MCTP2: variants seen among roughly 807,000 people sequenced by gnomAD.
MCTP2 encodes the protein multiple C2 and transmembrane domain containing 2, also known as multiple C2 and transmembrane domain-containing protein 2.
MCTP2 carries 132 observed loss-of-function variants against 111.6 expected under a neutral mutation model. The ratio of observed to expected loss-of-function variants is 1.18; its 90% CI spans 1.03 to 1.37. The LOEUF (loss-of-function observed/expected upper bound fraction) is 1.37. MCTP2 is among the 40% of genes most tolerant of loss of function. The pLI is 0.00. For missense variants in MCTP2, 1,183 were observed against 1,067.9 expected, an observed-to-expected ratio of 1.11 and a Z score of -1.50; for synonymous variants, 395 against 387.7, an observed-to-expected ratio of 1.02 and a Z score of -0.22.
intron 17 of MCTP2, among the ~76,000 whole-genome samples, chr15:94,428,628 C>A (rs774773241): frequency 6.6e-6 from 1 of 152,090 alleles, no homozygotes; most frequent in Non-Finnish European, 1.5e-5. Flanking sequence ...CCCCAGACAC[C>A]TATCAGACCT....
At chr15:94,471,761 A>AG (rs1316695555) in intron 21 of MCTP2, among the ~76,000 whole-genome samples, 61 of 149,554 alleles carry the variant, frequency 4.1e-4, no homozygotes, top group African/African-American at 1.5e-3. Context: ...CATATTTTGA[A>AG]AAAAAAAAAA....
At chr15:94,387,289 C>T (rs184989877) in intron 14 of MCTP2, among the ~76,000 whole-genome samples, 2 of 151,614 alleles carry the variant, frequency 1.3e-5, no homozygotes, top group Admixed American at 6.6e-5. Context: ...CCCTGTGCAT[C>T]GTAGCATGTC....
chr15:94,244,432 A>G (rs2071559094), intron 1 of MCTP2, among the ~76,000 whole-genome samples: 1 of 149,550 alleles, frequency 6.7e-6, no homozygotes, highest in Admixed American at 6.7e-5. Flanking sequence ...ATACATATGC[A>G]CCTATGTTTA....
chr15:94,253,461 C>T (rs1167493039), intron 1 of MCTP2, among the ~76,000 whole-genome samples: 1 of 152,174 alleles, frequency 6.6e-6, no homozygotes, highest in Admixed American at 6.5e-5. Context: ...TTACAAAATT[C>T]AGCTTCTCAG....
intron 17 of MCTP2, among the ~76,000 whole-genome samples, chr15:94,433,324 A>G (rs1024709945): frequency 2.6e-5 from 4 of 152,220 alleles, no homozygotes; most frequent in African/African-American, 7.2e-5. Context: ...TGAAAATTTA[A>G]GGCGATTTTT....
intron 1 of MCTP2, among the ~76,000 whole-genome samples, chr15:94,286,646 C>G (rs1476450443): frequency 1.3e-5 from 2 of 152,176 alleles, no homozygotes; most frequent in East Asian, 3.8e-4. Flanking sequence ...CCTTGCGGTT[C>G]TTATTCAGGT....
chr15:94,314,468 A>G, intron 3 of MCTP2, 124 bp downstream of exon 3: 1 of 719,250 alleles, frequency 1.4e-6, no homozygotes. Flanking sequence ...AACCGTATCC[A>G]CTTACAAAAC....
At chr15:94,382,745 A>G (rs2080218457) in intron 12 of MCTP2, among the ~76,000 whole-genome samples, 2 of 152,262 alleles carry the variant, frequency 1.3e-5, no homozygotes. Flanking sequence ...CTCCTTGGCC[A>G]TTTGTTGGAA....
At chr15:94,474,484 A>G in intron 21 of MCTP2, among the ~76,000 whole-genome samples, 1 of 152,212 alleles carries the variant, frequency 6.6e-6, no homozygotes. Context: ...ATTTTTCTAA[A>G]ATCACACAGC....
intron 2 of MCTP2, among the ~76,000 whole-genome samples, chr15:94,306,191 TTAGA>T (rs1341151298): frequency 6.6e-6 from 1 of 152,164 alleles, no homozygotes; most frequent in Non-Finnish European, 1.5e-5. Context: ...TTAGTAAGAC[TTAGA>T]TAGGCAGAGA....
At position 94,324,339 on chromosome 15, in the gene MCTP2, G is replaced by T. The variant is rs539746920; in HGVS notation, c.637+8702G>T. On this transcript the variant is annotated intron_variant, in intron 4 of 22. Transcript: ENST00000357742. The stretch of plus-strand genomic sequence containing the variant: ...CCCTCGCTTTAAAACCCTGTGCTTT[G>T]CTGTAATGTTAGGCCGCTGTAGTAG... Among the ~76,000 whole-genome samples, 152 of 152,364 alleles carry T rather than the reference G, an allele frequency of 1.0e-3. 1 individual carries two copies. Among genetic ancestry groups the T allele is most frequent in the African/African-American group, 3.6e-3 (149 of 41,584 alleles).
intron 1 of MCTP2, among the ~76,000 whole-genome samples, chr15:94,246,620 G>A (rs923591439): frequency 2.6e-5 from 4 of 152,170 alleles, no homozygotes; most frequent in Non-Finnish European, 5.9e-5. Context: ...TTTTAGCTCA[G>A]TGGGAAGATT....
intron 1 of MCTP2, among the ~76,000 whole-genome samples, chr15:94,253,869 A>T (rs571552568): frequency 1.3e-5 from 2 of 152,178 alleles, no homozygotes; most frequent in African/African-American, 4.8e-5. Context: ...AAAAAAAAAA[A>T]TCTGGTGGTA....
intron 21 of MCTP2, among the ~76,000 whole-genome samples, chr15:94,472,580 G>A (rs1422513472): frequency 6.6e-6 from 1 of 152,122 alleles, no homozygotes; most frequent in African/African-American, 2.4e-5. Flanking sequence ...TATGGATAAA[G>A]TTATTAAATG....
chr15:94,361,764 G>A (rs2078956247), intron 10 of MCTP2, among the ~76,000 whole-genome samples: 1 of 152,136 alleles, frequency 6.6e-6, no homozygotes, highest in Admixed American at 6.5e-5. Flanking sequence ...CATCGTCAAG[G>A]ACATGGTAGG....
intron 18 of MCTP2, among the ~76,000 whole-genome samples, chr15:94,440,895 C>T (rs1044348741): frequency 6.6e-6 from 1 of 152,156 alleles, no homozygotes; most frequent in Admixed American, 6.5e-5. Context: ...TCCGCATCTA[C>T]TCATCTCACT....
rs956089063 is a variant in MCTP2, at chr15:94,480,100, G to C, written c.*1066G>C. ...ACCACCCCAGAGTCCTCATTTGATA[G>C]CATCTGTCTCCTGCAGACCTCATCA... On this transcript the variant is annotated 3_prime_UTR_variant, in exon 23 of 23. Coordinates refer to ENST00000357742, the MANE Select transcript of MCTP2 (RefSeq NM_001385001.1). The C allele has an allele frequency of 6.6e-6, 1 of 152,056 alleles. No homozygotes were observed. Among genetic ancestry groups the C allele is most frequent in the South Asian group, 2.1e-4 (1 of 4,826 alleles). 9.4% of individuals were successfully genotyped at this position (152,056 alleles called of 1,614,324 possible).
At chr15:94,333,104 G>A (rs548516004) in intron 4 of MCTP2, among the ~76,000 whole-genome samples, 4 of 152,202 alleles carry the variant, frequency 2.6e-5, no homozygotes, top group African/African-American at 9.6e-5. Flanking sequence ...GCCTGGTGGC[G>A]GGCATCTGTA....
In MCTP2 at chr15:94,478,982, T is replaced by C. The variant is rs1245197036; in HGVS notation, c.2585T>C (p.Leu862Ser). 7 of 1,613,932 alleles carry C rather than the reference T, an allele frequency of 4.3e-6. No homozygotes were observed. The highest frequency in any genetic ancestry group is 5.1e-6 in the Non-Finnish European group (6 of 1,180,008). ...SDVQKVQYAE[L>S]KLCSSHSPLR... The stretch of plus-strand genomic sequence containing the variant: ...TTTTCACAGGTGCAGTATGCAGAAT[T>C]GAAACTCTGCAGCAGCCACAGCCCC... The change falls in exon 23 of 23, where the codon TTG becomes TCG. Residue 862 changes from leucine to serine, a missense_variant. Transcript: ENST00000357742.
Sources: gnomAD v4.1 joint callset for allele counts (sites outside exome capture counted in the v4.1 genomes callset) on GRCh38, gnomAD v4.1.1 for gene constraint, MANE v1.5 for transcripts, NCBI Gene and HGNC (gene_info 2026-07-23, HGNC 2026-07-21) for gene names.